Variants in SAT2 observed in about 807,000 individuals in gnomAD.
The protein encoded by SAT2 is thialysine N-epsilon-acetyltransferase.
A neutral mutation model predicts 24.8 loss-of-function variants in SAT2; 19 were observed. That is an observed-to-expected ratio of 0.77 (90% confidence interval 0.53 to 1.12). The LOEUF (loss-of-function observed/expected upper bound fraction) is 1.12, where lower values mean the gene tolerates loss of function less well. Ranked by LOEUF, SAT2 falls within the 50% of genes most tolerant of loss-of-function variation. The pLI is 0.00. For missense variants in SAT2, 190 were observed against 210.7 expected (o/e 0.90, Z 0.61); for synonymous variants, 77 against 77.4 (o/e 0.99, Z 0.03).
rs1367766611 is a variant in SAT2, at chr17:7,626,289, C to T, written c.*158G>A. ...CCCTCAACAAGGAAGAAAGGTCTCT[C>T]CCTCAATTCTGCTCTTCCAATACTT... On this transcript the variant is annotated 3_prime_UTR_variant, in exon 6 of 6. Transcript: ENST00000269298. The T allele has an allele frequency of 1.4e-6, 1 of 727,028 alleles. No individual in the cohort carries two copies. Among genetic ancestry groups the T allele is most frequent in the Non-Finnish European group, 2.4e-6 (1 of 425,112 alleles). 45.0% of individuals were successfully genotyped at this position (727,028 alleles called of 1,614,324 possible).
rs1176599777 is a variant in SAT2 at position 7,627,555 on chromosome 17, G to C, written c.66+15C>G. On this transcript the variant is annotated intron_variant, in intron 1 of 5. Coordinates refer to ENST00000269298, the MANE Select transcript of SAT2 (RefSeq NM_133491.5). The surrounding 1 kb of genome is among the most constrained non-coding windows in gnomAD (Gnocchi z 4.8). The stretch of plus-strand genomic sequence containing the variant: ...CGCCACTCTGACCCCCGGGTTACCG[G>C]CCTGCAGTCTTCACCCGAATCAGCC... The C allele has an allele frequency of 4.4e-6, 7 of 1,607,926 alleles. No homozygotes were observed. The highest frequency in any genetic ancestry group is 6.0e-6 in the Non-Finnish European group (7 of 1,176,228).
chr17:7,627,656 A>T lies in SAT2; in HGVS notation c.-21T>A. On this transcript the variant is annotated 5_prime_UTR_variant, in exon 1 of 6. Coordinates refer to ENST00000269298, the MANE Select transcript of SAT2 (RefSeq NM_133491.5). This position sits in a 1 kb window ranked among gnomAD's most constrained non-coding sequence, Gnocchi z 4.8. ...GCCATCCGGATCCCCGCTGTCTGGGACCAAAGTCCCAGGGCCTCGCAAACG... is the reference window on the plus strand; with the variant it reads ...GCCATCCGGATCCCCGCTGTCTGGGTCCAAAGTCCCAGGGCCTCGCAAACG... 1 of 1,613,696 alleles carries T rather than the reference A, an allele frequency of 6.2e-7. No homozygotes were observed. Among genetic ancestry groups the T allele is most frequent in the South Asian group, 1.1e-5 (1 of 91,040 alleles).
At chr17:7,626,676 C>A (rs2072218096) in intron 5 of SAT2, 62 bp from the exon 6 acceptor site, 1 of 1,611,932 alleles carries the variant, frequency 6.2e-7, no homozygotes. Context: ...TTCTCACTCC[C>A]TCTTTCAACC....
At position 7,627,646 on chromosome 17, in the gene SAT2, G is replaced by C; in HGVS notation, c.-11C>G. On this transcript the variant is annotated 5_prime_UTR_variant, in exon 1 of 6. Transcript: ENST00000269298. The surrounding 1 kb of genome is among the most constrained non-coding windows in gnomAD (Gnocchi z 4.8). Reference sequence around the variant, plus strand: ...CCGCACGGAAGCCATCCGGATCCCCGCTGTCTGGGACCAAAGTCCCAGGGC... The same window carrying C: ...CCGCACGGAAGCCATCCGGATCCCCCCTGTCTGGGACCAAAGTCCCAGGGC... The C allele has an allele frequency of 6.2e-7, 1 of 1,613,918 alleles. No homozygotes were observed. Among genetic ancestry groups the C allele is most frequent in the South Asian group, 1.1e-5 (1 of 91,060 alleles).
Position 7,627,300 on chromosome 17 carries a change from C to G in SAT2, c.118+63G>C, listed in dbSNP as rs2072244048. ...TGTATGCCCAGCCTGGAGCTGTCGCCTGGGGAACCCATCCCTCATTTCCTC... is the reference window on the plus strand; with the variant it reads ...TGTATGCCCAGCCTGGAGCTGTCGCGTGGGGAACCCATCCCTCATTTCCTC... On this transcript the variant is annotated intron_variant, in intron 2 of 5. Coordinates refer to ENST00000269298, the MANE Select transcript of SAT2 (RefSeq NM_133491.5). This position sits in a 1 kb window ranked among gnomAD's most constrained non-coding sequence, Gnocchi z 4.8. 1 of 1,612,898 alleles carries G rather than the reference C, an allele frequency of 6.2e-7. No homozygotes were observed. Among genetic ancestry groups the G allele is most frequent in the Admixed American group, 1.7e-5 (1 of 59,994 alleles).
chr17:7,627,293 C>A lies in SAT2; in HGVS notation c.119-67G>T. 6 of 1,612,416 alleles carry A rather than the reference C, an allele frequency of 3.7e-6. No individual in the cohort carries two copies. Among genetic ancestry groups the A allele is most frequent in the Non-Finnish European group, 5.1e-6 (6 of 1,178,558 alleles). On this transcript the variant is annotated intron_variant, in intron 2 of 5. Transcript: ENST00000269298. This position sits in a 1 kb window ranked among gnomAD's most constrained non-coding sequence, Gnocchi z 4.8. ...ACGTGGGTGTATGCCCAGCCTGGAGCTGTCGCCTGGGGAACCCATCCCTCA... is the reference window on the plus strand; with the variant it reads ...ACGTGGGTGTATGCCCAGCCTGGAGATGTCGCCTGGGGAACCCATCCCTCA...
Position 7,626,946 on chromosome 17 carries a change from G to A in SAT2, c.301C>T (p.Arg101Trp), listed in dbSNP as rs1367225905. Residue 101 changes from arginine (R) to tryptophan (W), a missense_variant, in exon 4 of 6, where the codon CGG (arginine) becomes TGG (tryptophan). Arg to Trp is a moderately radical substitution (Grantham distance 101). Coordinates refer to ENST00000269298, the MANE Select transcript of SAT2 (RefSeq NM_133491.5). ...LEDIYVMPEY[R>W]GQGIGSKIIK... ...AGCCTCAGCTTCTGCCCAGTACCCC[G>A]ATATTCCGGCATCACATAGATATCC... 4.3e-6 allele frequency: 7 copies of A among 1,613,540 alleles called. No individual in the cohort carries two copies. The highest frequency in any genetic ancestry group is 1.1e-5 in the South Asian group (1 of 91,060).
In SAT2 at chr17:7,626,973, C is replaced by A. The variant is rs758313991; in HGVS notation, c.274G>T (p.Glu92Ter). The A allele has an allele frequency of 6.2e-7, 1 of 1,613,986 alleles. No homozygotes were observed. The highest frequency in any genetic ancestry group is 8.5e-7 in the Non-Finnish European group (1 of 1,179,970). ...TATTCCGGCATCACATAGATATCCTCCAGATAAATGGTGCGTCCCTTCCAT... is the reference window on the plus strand; with the variant it reads ...TATTCCGGCATCACATAGATATCCTACAGATAAATGGTGCGTCCCTTCCAT... ...STWKGRTIYLEDIYVMPEYRG... is the reference protein window; with the variant it reads ...STWKGRTIYL Residue 92 changes from glutamate to a stop codon, truncating the protein, a stop_gained, in exon 4 of 6, where the codon GAG (glutamate) becomes TAG (stop). Transcript: ENST00000269298. LOFTEE classifies it high-confidence loss of function.
rs777907646 is a variant in SAT2 at position 7,627,109 on chromosome 17, G to T, written c.202+34C>A. On this transcript the variant is annotated intron_variant, in intron 3 of 5. Coordinates refer to ENST00000269298, the MANE Select transcript of SAT2 (RefSeq NM_133491.5). The surrounding 1 kb of genome is among the most constrained non-coding windows in gnomAD (Gnocchi z 4.8). ...GTGGGGAGACCTCTGAGGCCGGCTG[G>T]AGAGGTGGACTTCTAAGGGCCAGGT... is the stretch of plus-strand genomic sequence containing the variant. 3 of 1,612,576 alleles carry T rather than the reference G, an allele frequency of 1.9e-6. No individual in the cohort carries two copies. The East Asian group carries it at 6.7e-5, about 36-fold the overall frequency.
chr17:7,626,387 A>AGAGT lies in SAT2; in HGVS notation c.*56_*59dup, dbSNP rs2072206043. The AGAGT allele has an allele frequency of 1.3e-6, 2 of 1,586,042 alleles. No individual in the cohort carries two copies. The highest frequency in any genetic ancestry group is 1.7e-6 in the Non-Finnish European group (2 of 1,161,558). ...CAGTGTCTGTGGACGTAGTCTCTGA[A>AGAGT]GAGTGCTTCAGCTGATGGGGAAGGA... On this transcript the variant is annotated 3_prime_UTR_variant, in exon 6 of 6. Coordinates refer to ENST00000269298, the MANE Select transcript of SAT2 (RefSeq NM_133491.5).
Position 7,626,346 on chromosome 17 carries a change from A to C in SAT2, c.*101T>G. On this transcript the variant is annotated 3_prime_UTR_variant, in exon 6 of 6. Transcript: ENST00000269298. Reference sequence around the variant, plus strand: ...AGGCACCCCTAACCCTCCTTCCTCCAGGGAGGCCTCAGCATCAGTGTCTGT... The same window carrying C: ...AGGCACCCCTAACCCTCCTTCCTCCCGGGAGGCCTCAGCATCAGTGTCTGT... 7.5e-7 allele frequency: 1 copy of C among 1,337,554 alleles called. No homozygotes were observed. The highest frequency in any genetic ancestry group is 1.0e-6 in the Non-Finnish European group (1 of 959,846). 82.9% of individuals were successfully genotyped at this position (1,337,554 alleles called of 1,614,324 possible). A position where few individuals can be genotyped will look rare whatever the true frequency, so the allele number is the denominator to read the frequency against.
In SAT2 at chr17:7,627,103, C is replaced by T. The variant is rs369670856; in HGVS notation, c.202+40G>A. ...AAGCCTGTGGGGAGACCTCTGAGGC[C>T]GGCTGGAGAGGTGGACTTCTAAGGG... On this transcript the variant is annotated intron_variant, in intron 3 of 5. Coordinates refer to ENST00000269298, the MANE Select transcript of SAT2 (RefSeq NM_133491.5). This position sits in a 1 kb window ranked among gnomAD's most constrained non-coding sequence, Gnocchi z 4.8. 5.6e-6 allele frequency: 9 copies of T among 1,613,072 alleles called. No homozygotes were observed. The Admixed American group carries it at 6.7e-5, about 12-fold the overall frequency.
chr17:7,626,720 G>A (rs376444092), intron 5 of SAT2, 33 bp downstream of exon 5: 2 of 1,613,914 alleles, frequency 1.2e-6, no homozygotes, highest in East Asian at 2.2e-5. Context: ...TGCTTCTTCA[G>A]GTCCTCACTT....
rs770924377 is a variant in SAT2 at position 7,626,443 on chromosome 17, G to A, written c.*4C>T. On this transcript the variant is annotated 3_prime_UTR_variant, in exon 6 of 6. Coordinates refer to ENST00000269298, the MANE Select transcript of SAT2 (RefSeq NM_133491.5). The stretch of plus-strand genomic sequence containing the variant: ...TCAAGACAGAGATCCTCCTAGGGAT[G>A]GCGTCACTTTCCTGCCAACTTTCTC... 5.9e-5 allele frequency: 96 copies of A among 1,613,758 alleles called. No homozygotes were observed. The highest frequency in any genetic ancestry group is 7.9e-5 in the Non-Finnish European group (93 of 1,179,872).
rs1206357100 is a variant in SAT2, at chr17:7,627,740, G to A, written c.-105C>T. ...GATCCTGAAGAGCCTGAGAGAGCGG[G>A]GTGGCGGGAGTCGGGGGGGACGGCG... On this transcript the variant is annotated 5_prime_UTR_variant, in exon 1 of 6. Transcript: ENST00000269298. This position sits in a 1 kb window ranked among gnomAD's most constrained non-coding sequence, Gnocchi z 4.8. 7.4e-7 allele frequency: 1 copy of A among 1,360,160 alleles called. No individual in the cohort carries two copies. 84.3% of individuals were successfully genotyped at this position (1,360,160 alleles called of 1,614,324 possible). A position where few individuals can be genotyped will look rare whatever the true frequency, so the allele number is the denominator to read the frequency against.
chr17:7,626,931 T>G lies in SAT2; in HGVS notation c.304+12A>C, dbSNP rs2072228717. On this transcript the variant is annotated intron_variant, in intron 4 of 5. Transcript: ENST00000269298. ...CTTTGCTCCCACCCCAGCCTCAGCT[T>G]CTGCCCAGTACCCCGATATTCCGGC... 1.9e-6 allele frequency: 3 copies of G among 1,612,942 alleles called. No individual in the cohort carries two copies. The South Asian group carries it at 3.3e-5, about 18-fold the overall frequency.
Position 7,627,473 on chromosome 17 carries a change from G to T in SAT2, c.67-59C>A. On this transcript the variant is annotated intron_variant, in intron 1 of 5. Transcript: ENST00000269298. This position sits in a 1 kb window ranked among gnomAD's most constrained non-coding sequence, Gnocchi z 4.8. The stretch of plus-strand genomic sequence containing the variant: ...GAAGGGCCCCGCTGCTCCCCGAGCA[G>T]GTTCCCAAGGCGAGCCCCTCCCCCT... The T allele has an allele frequency of 6.2e-7, 1 of 1,609,116 alleles. No homozygotes were observed. The highest frequency in any genetic ancestry group is 8.5e-7 in the Non-Finnish European group (1 of 1,175,882).
Position 7,626,543 on chromosome 17 carries a change from C to T in SAT2, c.417G>A (p.Leu139=), listed in dbSNP as rs781141966. The change falls in exon 6 of 6, where the codon TTG becomes TTA. Residue 139 remains leucine (L), a synonymous_variant. Transcript: ENST00000269298. ...VLDWNQRAMD[L]YKALGAQDLT... ...GATCTTGGGCTCCTAGGGCCTTGTA[C>T]AAGTCCATGGCCCTCTGGTTCCAGT... 1 of 1,614,206 alleles carries T rather than the reference C, an allele frequency of 6.2e-7. No homozygotes were observed. Among genetic ancestry groups the T allele is most frequent in the South Asian group, 1.1e-5 (1 of 91,090 alleles).
chr17:7,626,637 C>G (rs2072216334), intron 5 of SAT2, 23 bp from the exon 6 acceptor site: 3 of 1,611,490 alleles, frequency 1.9e-6, no homozygotes, highest in East Asian at 4.5e-5. Flanking sequence ...ACAACACTAA[C>G]TTTTCTGGGG....
Sources: gnomAD v4.1 joint callset for allele counts on GRCh38, gnomAD v4.1.1 for gene constraint, Gnocchi (gnomAD v3.1) non-coding constraint, MANE v1.5 for transcripts, NCBI Gene and HGNC (gene_info 2026-07-23, HGNC 2026-07-21) for gene names.